Variants in SUSD5 observed in about 807,000 individuals in gnomAD.
SUSD5 encodes sushi domain containing 5.
SUSD5 carries 33 observed loss-of-function variants against 29.5 expected under a neutral mutation model. The ratio of observed to expected loss-of-function variants is 1.12; its 90% confidence interval spans 0.85 to 1.49. The LOEUF (loss-of-function observed/expected upper bound fraction) is 1.49. Among genes scored for constraint, SUSD5 ranks in the 40% most tolerant of loss-of-function variants. The pLI is 0.00. For synonymous variants in SUSD5, 308 were observed against 325.3 expected (o/e 0.95, Z 0.57); for missense variants, 776 against 800.6 (o/e 0.97, Z 0.37).
At chr3:33,193,008 G>C (rs2031927133) in intron 3 of SUSD5, among the ~76,000 whole-genome samples, 1 of 125,388 alleles carries the variant, frequency 8.0e-6, no homozygotes, top group Admixed American at 8.3e-5. Context: ...ACTTGTCTGG[G>C]TCTCAGTGCC....
chr3:33,150,197 T>C lies in SUSD5; in HGVS notation c.*2545A>G, dbSNP rs914836235. The stretch of plus-strand genomic sequence containing the variant: ...TTGTTTTAATCATTCCCTTTCAACA[T>C]GAATTTTTAGATTCTATAACATTAA... On this transcript the variant is annotated 3_prime_UTR_variant, in exon 5 of 5. Transcript: ENST00000309558. The C allele has an allele frequency of 6.6e-6, 1 of 152,166 alleles. No homozygotes were observed. The highest frequency in any genetic ancestry group is 1.5e-5 in the Non-Finnish European group (1 of 68,028). 9.4% of individuals were successfully genotyped at this position (152,166 alleles called of 1,614,324 possible). A position where few individuals can be genotyped will look rare whatever the true frequency, so the allele number is the denominator to read the frequency against.
At chr3:33,183,249 T>C (rs558286366) in intron 3 of SUSD5, among the ~76,000 whole-genome samples, 70 of 152,336 alleles carry the variant, frequency 4.6e-4, no homozygotes, top group African/African-American at 1.6e-3. Context: ...ATTGATATAA[T>C]TGGATAACCA....
At chr3:33,177,734 A>G (rs916355226) in intron 3 of SUSD5, among the ~76,000 whole-genome samples, 1 of 152,226 alleles carries the variant, frequency 6.6e-6, no homozygotes, top group African/African-American at 2.4e-5. Context: ...GAAAGTGATT[A>G]ACTTTTGTAC....
In SUSD5 at chr3:33,218,765, A is replaced by G; in HGVS notation, c.33T>C (p.Arg11=). Residue 11 remains arginine (R), a synonymous_variant, in exon 1 of 5, where the codon CGT becomes CGC. Coordinates refer to ENST00000309558, the MANE Select transcript of SUSD5 (RefSeq NM_015551.2). ...AGAGCCCGGGGAGGCGTCTGTGCCA[A>G]CGGGCAGGCGGGCTGGGTCCCTCGG... MTAEGPSPPA[R]WHRRLPGLWA... 1 of 1,427,898 alleles carries G rather than the reference A, an allele frequency of 7.0e-7. No individual in the cohort carries two copies. Among genetic ancestry groups the G allele is most frequent in the South Asian group, 1.5e-5 (1 of 67,788 alleles). 88.5% of individuals were successfully genotyped at this position (1,427,898 alleles called of 1,614,324 possible). A position where few individuals can be genotyped will look rare whatever the true frequency, so the allele number is the denominator to read the frequency against.
chr3:33,214,659 C>T (rs891443106), intron 1 of SUSD5, among the ~76,000 whole-genome samples: 53 of 152,168 alleles, frequency 3.5e-4, no homozygotes, highest in African/African-American at 1.2e-3. Flanking sequence ...ATGTCTGGTA[C>T]ACCTTGGCTT....
Position 33,152,802 on chromosome 3 carries a change from C to G in SUSD5, c.1830G>C (p.Leu610=). 1 of 1,613,944 alleles carries G rather than the reference C, an allele frequency of 6.2e-7. No individual in the cohort carries two copies. Among genetic ancestry groups the G allele is most frequent in the Non-Finnish European group, 8.5e-7 (1 of 1,179,856 alleles). ...GCCGAGCCTGCCGCTGGCCAACATT[C>G]AGCTTGTACACAGAGCTCTTGTGCT... is the stretch of plus-strand genomic sequence containing the variant. The part of the protein sequence containing the change: ...KCQHKSSVYK[L]NVGQRQARHY... The change falls in exon 5 of 5, where the codon CTG becomes CTC. Residue 610 remains leucine (L), a synonymous_variant. Transcript: ENST00000309558.
rs68055129 is a variant in SUSD5, at chr3:33,183,930, C to CTTTT, written c.410-8860_410-8857dup. On this transcript the variant is annotated intron_variant, in intron 3 of 4. Coordinates refer to ENST00000309558, the MANE Select transcript of SUSD5 (RefSeq NM_015551.2). ...AACACTTTAAATATTTTATTACCCT[C>CTTTT]TTTTTTTTTTTTTTTTTTTTTTTTT... Among the ~76,000 whole-genome samples the CTTTT allele has an allele frequency of 1.6e-3, 101 of 62,610 alleles. 4 individuals carry two copies. The highest frequency in any genetic ancestry group is 3.4e-3 in the South Asian group (4 of 1,182). The allele number at this position is 62,610 out of a possible 152,430, so 41.1% of individuals were successfully genotyped here.
chr3:33,195,047 T>G (rs991198873), intron 3 of SUSD5, among the ~76,000 whole-genome samples: 2 of 152,100 alleles, frequency 1.3e-5, no homozygotes, highest in Admixed American at 1.3e-4. Context: ...ATACAAAAAT[T>G]AGCTGGGCCT....
rs1559442599 is a variant in SUSD5, at chr3:33,153,868, A to G, written c.764T>C (p.Val255Ala). 1 of 1,613,934 alleles carries G rather than the reference A, an allele frequency of 6.2e-7. No individual in the cohort carries two copies. Among genetic ancestry groups the G allele is most frequent in the Non-Finnish European group, 8.5e-7 (1 of 1,179,872 alleles). The change falls in exon 5 of 5, where the codon GTG (valine) becomes GCG (alanine). Residue 255 changes from valine (V) to alanine (A), a missense_variant. Transcript: ENST00000309558. The part of the protein sequence containing the change: ...PKQDRLVSIS[V>A]GRENIARDKV... ...ATCCCGGGCTATGTTTTCTCTCCCCACAGAAATGGAGACCAGACGGTCCTG... is the reference window on the plus strand; with the variant it reads ...ATCCCGGGCTATGTTTTCTCTCCCCGCAGAAATGGAGACCAGACGGTCCTG...
chr3:33,190,334 G>T (rs7630970), intron 3 of SUSD5: 1 of 156,002 alleles, frequency 6.4e-6, no homozygotes, highest in East Asian at 1.9e-4. Flanking sequence ...TATTTTTAAC[G>T]TGGTTTTTAC....
intron 3 of SUSD5, among the ~76,000 whole-genome samples, chr3:33,185,573 G>A (rs2031761439): frequency 6.6e-6 from 1 of 152,178 alleles, no homozygotes; most frequent in Admixed American, 6.5e-5. Context: ...CAATTCTAGG[G>A]ACAGCAGTTT....
intron 3 of SUSD5, among the ~76,000 whole-genome samples, chr3:33,207,071 A>G (rs2032236525): frequency 6.6e-6 from 1 of 152,332 alleles, no homozygotes; most frequent in East Asian, 1.9e-4. Flanking sequence ...TATTTGGTGC[A>G]TACAAAATGC....
chr3:33,193,437 A>G (rs1296781674), intron 3 of SUSD5, among the ~76,000 whole-genome samples: 2 of 152,146 alleles, frequency 1.3e-5, no homozygotes, highest in African/African-American at 4.8e-5. Flanking sequence ...ATTTAACTAC[A>G]AGGTGTTAGG....
chr3:33,186,389 G>A (rs762225499), intron 3 of SUSD5, among the ~76,000 whole-genome samples: 1 of 151,450 alleles, frequency 6.6e-6, no homozygotes, highest in Non-Finnish European at 1.5e-5. Context: ...CACCCTGACT[G>A]GCCTCGCAGC....
chr3:33,190,314 TC>T, intron 3 of SUSD5: 1 of 160,604 alleles, frequency 6.2e-6, no homozygotes, highest in Non-Finnish European at 1.4e-5. Flanking sequence ...TCATTTTTGT[TC>T]CAGGGATATA....
Position 33,218,774 on chromosome 3 carries a change from CG to C in SUSD5, c.23del (p.Pro8ArgfsTer84). The C allele has an allele frequency of 1.4e-6, 2 of 1,436,076 alleles. No individual in the cohort carries two copies. The highest frequency in any genetic ancestry group is 1.4e-5 in the South Asian group (1 of 69,782). The allele number at this position is 1,436,076 out of a possible 1,614,324, so 89.0% of individuals were successfully genotyped here. A position where few individuals can be genotyped will look rare whatever the true frequency, so the allele number is the denominator to read the frequency against. ...GGAGGCGTCTGTGCCAACGGGCAGG[CG>C]GGCTGGGTCCCTCGGCAGTCATGGT... Reference protein sequence around the residue: MTAEGPSPPARWHRRLPG... With the variant: MTAEGPSXPARWHRRLPG... On this transcript the variant is annotated frameshift_variant, in exon 1 of 5. Coordinates refer to ENST00000309558, the MANE Select transcript of SUSD5 (RefSeq NM_015551.2). LOFTEE classifies it high-confidence loss of function.
In SUSD5 at chr3:33,218,693, C is replaced by T; in HGVS notation, c.105G>A (p.Arg35=). Reference sequence around the variant, plus strand: ...CGCCTCCCGCACACTCACCATCCGCCCGCACCGAAAGGCGCGGCAGACCGA... The same window carrying T: ...CGCCTCCCGCACACTCACCATCCGCTCGCACCGAAAGGCGCGGCAGACCGA... ...LLLGLPRLSV[R]ADGKFFVLES... The change falls in exon 1 of 5, where the codon CGG becomes CGA. Residue 35 remains arginine (R), a synonymous_variant. Coordinates refer to ENST00000309558, the MANE Select transcript of SUSD5 (RefSeq NM_015551.2). 7.6e-7 allele frequency: 1 copy of T among 1,309,962 alleles called. No homozygotes were observed. The highest frequency in any genetic ancestry group is 2.1e-5 in the South Asian group (1 of 47,884). 81.1% of individuals were successfully genotyped at this position (1,309,962 alleles called of 1,614,324 possible).
chr3:33,196,952 T>C (rs116557827), intron 3 of SUSD5, among the ~76,000 whole-genome samples: 82 of 152,342 alleles, frequency 5.4e-4, no homozygotes, highest in African/African-American at 1.9e-3. Context: ...TTAACTTTGT[T>C]GTGCCTAGTT....
At position 33,151,426 on chromosome 3, in the gene SUSD5, G is replaced by A. The variant is rs2030875505; in HGVS notation, c.*1316C>T. 1.3e-5 allele frequency: 2 copies of A among 152,164 alleles called. No individual in the cohort carries two copies. Among genetic ancestry groups the A allele is most frequent in the African/African-American group, 4.8e-5 (2 of 41,424 alleles). 9.4% of individuals were successfully genotyped at this position (152,164 alleles called of 1,614,324 possible). The stretch of plus-strand genomic sequence containing the variant: ...GGATTCTGTTTCCACAGAGCTCCCA[G>A]TTTCCACACTAGAGAACAGATCAGC... On this transcript the variant is annotated 3_prime_UTR_variant, in exon 5 of 5. Transcript: ENST00000309558.
Sources: gnomAD v4.1 joint callset for allele counts (sites outside exome capture counted in the v4.1 genomes callset) on GRCh38, gnomAD v4.1.1 for gene constraint, MANE v1.5 for transcripts, NCBI Gene and HGNC (gene_info 2026-07-23, HGNC 2026-07-21) for gene names.